The following DAPK1 variants were observed in gnomAD, a reference collection of about 807,000 sequenced individuals.
The protein encoded by DAPK1 is death-associated protein kinase 1.
In DAPK1, 56 loss-of-function variants were observed where a neutral mutation model predicts 144.9. The ratio of observed to expected loss-of-function variants is 0.39; its 90% CI spans 0.31 to 0.48. The LOEUF is 0.48. Among genes scored for constraint, DAPK1 ranks in the 20% least tolerant of loss-of-function variants. The pLI, the probability that DAPK1 is intolerant of heterozygous loss-of-function variation, is 0.95. For missense variants in DAPK1, 1,454 were observed against 1,875.4 expected, an observed-to-expected ratio of 0.78 and a Z score of 4.15; for synonymous variants, 690 against 749.0, an observed-to-expected ratio of 0.92 and a Z score of 1.29.
chr9:87,634,487 C>T (rs929304376), intron 3 of DAPK1, among the ~76,000 whole-genome samples: 4 of 152,268 alleles, frequency 2.6e-5, no homozygotes, highest in Non-Finnish European at 2.9e-5. Context: ...GACCTGGAGG[C>T]CCCCAGTCCA....
intron 18 of DAPK1, among the ~76,000 whole-genome samples, chr9:87,659,868 G>T (rs1044877610): frequency 6.6e-6 from 1 of 152,102 alleles, no homozygotes; most frequent in Non-Finnish European, 1.5e-5. Flanking sequence ...CAGTGAGAGC[G>T]GGGAGTCCAG....
intron 2 of DAPK1, chr9:87,506,686 T>C (rs923917381): frequency 1.3e-5 from 2 of 152,246 alleles, no homozygotes; most frequent in Non-Finnish European, 2.9e-5. Flanking sequence ...TGTTTTGTTC[T>C]GGTTTGTTGG....
At chr9:87,497,637 G>C (rs1824211623), upstream of DAPK1, 1 of 162,240 alleles carries the variant, frequency 6.2e-6, no homozygotes, top group Admixed American at 6.4e-5. Context: ...CTCCCCGGCC[G>C]GCGTGGGTGT....
In DAPK1 at chr9:87,677,883, G is replaced by A. The variant is rs36217436; in HGVS notation, c.2002-3521G>A. Among the ~76,000 whole-genome samples, 378 of 152,272 alleles carry A rather than the reference G, an allele frequency of 2.5e-3. 1 individual carries two copies. The highest frequency in any genetic ancestry group is 6.5e-3 in the African/African-American group (271 of 41,552). On this transcript the variant is annotated intron_variant, in intron 19 of 25. Transcript: ENST00000408954. ...ATTGCTCCAGGGTCGGTGGCAGCGC[G>A]GCAGCATGGGCGCACCTGGTGCACG...
At chr9:87,620,216 C>G (rs36208751) in intron 3 of DAPK1, among the ~76,000 whole-genome samples, 1,544 of 152,278 alleles carry the variant, frequency 0.01, 22 homozygotes, top group African/African-American at 0.034. Context: ...CTGATTCCCT[C>G]TCCTCTCAGG....
chr9:87,640,567 G>A lies in DAPK1; in HGVS notation c.782+117G>A, dbSNP rs1196583561. 5.7e-6 allele frequency: 7 copies of A among 1,235,474 alleles called. No homozygotes were observed. The East Asian group carries it at 1.4e-4, about 25-fold the overall frequency. The allele number at this position is 1,235,474 out of a possible 1,614,324, so 76.5% of individuals were successfully genotyped here. On this transcript the variant is annotated intron_variant, in intron 8 of 25. Transcript: ENST00000408954. ...ACCCTGCTTGCTTCATCTGCCAAAG[G>A]GCAGCATGCCATGTGAAACGCTTCA... is the stretch of plus-strand genomic sequence containing the variant.
intron 2 of DAPK1, among the ~76,000 whole-genome samples, chr9:87,507,282 G>A (rs1824639366): frequency 6.6e-6 from 1 of 152,112 alleles, no homozygotes. Context: ...GCGCTATCTC[G>A]GCTCACTGCA....
chr9:87,519,698 ATGAGGTAGCACTGCTTCTGACT>A (rs1825220994), intron 2 of DAPK1, among the ~76,000 whole-genome samples: 1 of 152,154 alleles, frequency 6.6e-6, no homozygotes, highest in South Asian at 2.1e-4. Context: ...CCTCCAAGCA[ATGAGGTAGCACTGCTTCTGACT>A]TTTCCTCAGG....
Position 87,641,954 on chromosome 9 carries a change from G to C in DAPK1, c.829-15G>C, listed in dbSNP as rs1347328309. 1 of 1,584,316 alleles carries C rather than the reference G, an allele frequency of 6.3e-7. No homozygotes were observed. Among genetic ancestry groups the C allele is most frequent in the Non-Finnish European group, 8.6e-7 (1 of 1,166,490 alleles). ...TTTGAGAGCTTTAATTTTTTTTCTTGGATTTTTATTTTAGCCTAAAGATAC... is the reference window on the plus strand; with the variant it reads ...TTTGAGAGCTTTAATTTTTTTTCTTCGATTTTTATTTTAGCCTAAAGATAC... On this transcript the variant is annotated splice_polypyrimidine_tract_variant and intron_variant, in intron 9 of 25. Coordinates refer to ENST00000408954, the MANE Select transcript of DAPK1 (RefSeq NM_004938.4).
At chr9:87,681,030 G>A (rs36217790) in intron 19 of DAPK1, among the ~76,000 whole-genome samples, 317 of 152,292 alleles carry the variant, frequency 2.1e-3, no homozygotes, top group African/African-American at 7.3e-3. Context: ...TGTAATCCCA[G>A]CACTTTGGGA....
At chr9:87,545,130 C>T (rs578209849) in intron 2 of DAPK1, among the ~76,000 whole-genome samples, 1 of 152,328 alleles carries the variant, frequency 6.6e-6, no homozygotes, top group Admixed American at 6.5e-5. Context: ...TACAAAACTC[C>T]TGAAGAGCAG....
At chr9:87,568,497 TG>T (rs985363941) in intron 2 of DAPK1, among the ~76,000 whole-genome samples, 40 of 152,170 alleles carry the variant, frequency 2.6e-4, no homozygotes, top group African/African-American at 8.9e-4. Context: ...ATGCATTCTG[TG>T]GGGGAGATGT....
chr9:87,538,293 C>T (rs1825927941), intron 2 of DAPK1, among the ~76,000 whole-genome samples: 1 of 152,006 alleles, frequency 6.6e-6, no homozygotes, highest in African/African-American at 2.4e-5. Flanking sequence ...CTAATAATGG[C>T]CATTGGAGGT....
intron 24 of DAPK1, among the ~76,000 whole-genome samples, chr9:87,702,473 T>C (rs1587856278): frequency 6.6e-6 from 1 of 152,288 alleles, no homozygotes; most frequent in Non-Finnish European, 1.5e-5. Context: ...TCTTTTCCTC[T>C]GTTCATAAAG....
At chr9:87,693,953 G>A (rs1426560464) in intron 21 of DAPK1, among the ~76,000 whole-genome samples, 1 of 152,174 alleles carries the variant, frequency 6.6e-6, no homozygotes, top group Admixed American at 6.5e-5. Flanking sequence ...ACCTAGTGGT[G>A]GCAGTGGTGG....
intron 2 of DAPK1, among the ~76,000 whole-genome samples, chr9:87,603,000 C>T (rs1828582520): frequency 6.6e-6 from 1 of 151,244 alleles, no homozygotes; most frequent in East Asian, 1.9e-4. Flanking sequence ...ACTGAGTGTG[C>T]CTTGAGTTGG....
At chr9:87,584,458 G>GAT (rs142457532) in intron 2 of DAPK1, among the ~76,000 whole-genome samples, 7,899 of 152,198 alleles carry the variant, frequency 0.052, 356 homozygotes, top group East Asian at 0.21. Context: ...ATTTGCTTTG[G>GAT]ATATATACTT....
chr9:87,617,935 C>A (rs1042989485), intron 3 of DAPK1, among the ~76,000 whole-genome samples: 1 of 152,214 alleles, frequency 6.6e-6, no homozygotes, highest in Admixed American at 6.5e-5. Context: ...TCATTCTTCT[C>A]CCCTATTCTC....
intron 17 of DAPK1, among the ~76,000 whole-genome samples, chr9:87,652,894 A>C (rs1830503929): frequency 2.5e-5 from 3 of 121,570 alleles, no homozygotes; most frequent in Admixed American, 8.2e-5. Context: ...GTGTGCTCCC[A>C]CCTGATCCCG....
Sources: gnomAD v4.1 joint callset for allele counts (sites outside exome capture counted in the v4.1 genomes callset) on GRCh38, gnomAD v4.1.1 for gene constraint, MANE v1.5 for transcripts, NCBI Gene and HGNC (gene_info 2026-07-23, HGNC 2026-07-21) for gene names.